Variants in ADAM15 observed in about 807,000 individuals in gnomAD.
ADAM15 encodes disintegrin and metalloproteinase domain-containing protein 15.
Under a neutral mutation model 113.8 loss-of-function variants are expected in ADAM15, and 77 were observed. The observed-to-expected ratio is 0.68, with a 90% CI of 0.56 to 0.82. The LOEUF is 0.82. Among genes scored for constraint, ADAM15 ranks in the 40% least tolerant of loss-of-function variants. The probability of loss-of-function intolerance (pLI) is 0.00; values close to 1 mark genes in which losing one functional copy is unlikely to be tolerated. For missense variants in ADAM15, 963 were observed against 1,120.1 expected, an observed-to-expected ratio of 0.86 and a Z score of 2.00; for synonymous variants, 388 against 454.1, an observed-to-expected ratio of 0.85 and a Z score of 1.85.
Position 155,062,601 on chromosome 1 carries a change from T to G in ADAM15, c.*99T>G. On this transcript the variant is annotated 3_prime_UTR_variant, in exon 23 of 23. Transcript: ENST00000356955. The surrounding 1 kb of genome is among the most constrained non-coding windows in gnomAD (Gnocchi z 7.0). ...TACCATGACTGAAGGCGCCAGAGAC[T>G]GGCGGTGTCTTAAGACTCCGGGCAC... 6.7e-7 allele frequency: 1 copy of G among 1,493,710 alleles called. No individual in the cohort carries two copies. The allele number at this position is 1,493,710 out of a possible 1,614,324, so 92.5% of individuals were successfully genotyped here. A position where few individuals can be genotyped will look rare whatever the true frequency, so the allele number is the denominator to read the frequency against.
chr1:155,060,725 G>C (rs765646918), intron 18 of ADAM15, 38 bp from the exon 19 acceptor site: 1 of 1,598,542 alleles, frequency 6.3e-7, no homozygotes, highest in Admixed American at 1.7e-5. Flanking sequence ...AGGGTCTGAG[G>C]CTGGGCCCTC....
chr1:155,052,938 G>A (rs1019491209), intron 2 of ADAM15, among the ~76,000 whole-genome samples, 161 bp downstream of exon 2: 1 of 152,146 alleles, frequency 6.6e-6, no homozygotes, highest in Non-Finnish European at 1.5e-5. Flanking sequence ...CCCAGCACCT[G>A]GCTTCACTTA....
At chr1:155,052,440 G>C in intron 1 of ADAM15, 6 of 1,481,624 alleles carry the variant, frequency 4.0e-6, no homozygotes, top group Non-Finnish European at 4.5e-6. Context: ...TGCGCAAGCC[G>C]AAAGTCTTTC....
intron 20 of ADAM15, 28 bp from the exon 21 acceptor site, chr1:155,061,876 C>G: frequency 9.3e-6 from 14 of 1,501,898 alleles, no homozygotes; most frequent in Non-Finnish European, 1.2e-5. Context: ...GTTATGCTCT[C>G]ACAGCCACTG....
chr1:155,051,591 C>A, intron 1 of ADAM15, 126 bp downstream of exon 1: 1 of 894,576 alleles, frequency 1.1e-6, no homozygotes, highest in Non-Finnish European at 1.6e-6. Context: ...GCGGCCCGCC[C>A]TGGTCCGCTG....
intron 6 of ADAM15, 83 bp downstream of exon 6, chr1:155,054,589 C>A: frequency 7.2e-7 from 1 of 1,393,346 alleles, no homozygotes; most frequent in East Asian, 2.5e-5. Context: ...TGCACAGTAA[C>A]AACAGCTCCT....
intron 1 of ADAM15, chr1:155,052,362 A>C: frequency 5.2e-6 from 4 of 764,444 alleles, no homozygotes; most frequent in Non-Finnish European, 8.3e-6. Context: ...ATTGGGAGGG[A>C]GTGGGAACCG....
At chr1:155,061,331 C>A in intron 19 of ADAM15, 84 bp from the exon 20 acceptor site, 1 of 1,031,800 alleles carries the variant, frequency 9.7e-7, no homozygotes. Flanking sequence ...CTGGCCCCCC[C>A]TGGGCACTGA....
chr1:155,061,714 C>CTG (rs1329481023), intron 20 of ADAM15, 190 bp from the exon 21 acceptor site: 1 of 790,484 alleles, frequency 1.3e-6, no homozygotes. Context: ...CGGCCAGGGA[C>CTG]TGCGGTTGAC....
In ADAM15 at chr1:155,055,985, C is replaced by T. The variant is rs2102401471; in HGVS notation, c.729C>T (p.Ala243=). The part of the protein sequence containing the change: ...QHLLNRTLEV[A]LLLDTFFRPL... Reference sequence around the variant, plus strand: ...TGCTAAACCGCACACTGGAAGTGGCCCTCTTGCTGGACACAGTGAGTGCTG... The same window carrying T: ...TGCTAAACCGCACACTGGAAGTGGCTCTCTTGCTGGACACAGTGAGTGCTG... Residue 243 remains alanine, a synonymous_variant, in exon 8 of 23, where the codon GCC becomes GCT. Coordinates refer to ENST00000356955, the MANE Select transcript of ADAM15 (RefSeq NM_207197.3). 1 of 1,614,018 alleles carries T rather than the reference C, an allele frequency of 6.2e-7. No homozygotes were observed.
intron 2 of ADAM15, 28 bp from the exon 3 acceptor site, chr1:155,053,389 G>A (rs1661350747): frequency 1.9e-6 from 3 of 1,610,254 alleles, no homozygotes; most frequent in East Asian, 2.2e-5. Flanking sequence ...CAGGTCTAGG[G>A]AGGTGACCTG....
Position 155,051,457 on chromosome 1 carries a change from C to G in ADAM15, c.71C>G (p.Pro24Arg). ...AGCCCTCTGCCTTCCTGGCCGCTCC[C>G]AAATATAGGTGAGTCCTCCGCCTGG... is the stretch of plus-strand genomic sequence containing the variant. Reference protein sequence around the residue: ...AGSPLPSWPLPNIGGTEEQQA... With the variant: ...AGSPLPSWPLRNIGGTEEQQA... The change falls in exon 1 of 23, where the codon CCA becomes CGA. Residue 24 changes from proline (P) to arginine (R), a missense_variant. Coordinates refer to ENST00000356955, the MANE Select transcript of ADAM15 (RefSeq NM_207197.3). 6.4e-7 allele frequency: 1 copy of G among 1,566,716 alleles called. No homozygotes were observed. Among genetic ancestry groups the G allele is most frequent in the African/African-American group, 1.4e-5 (1 of 71,936 alleles).
intron 1 of ADAM15, chr1:155,052,373 G>T: frequency 3.5e-6 from 3 of 868,854 alleles, no homozygotes; most frequent in Non-Finnish European, 5.2e-6. Flanking sequence ...GTGGGAACCG[G>T]GGAGGGTCCT....
In ADAM15 at chr1:155,054,347, T is replaced by C. The variant is rs1661483385; in HGVS notation, c.453T>C (p.Tyr151=). Residue 151 remains tyrosine, a synonymous_variant, in exon 6 of 23, where the codon TAT becomes TAC. Coordinates refer to ENST00000356955, the MANE Select transcript of ADAM15 (RefSeq NM_207197.3). The part of the protein sequence containing the change: ...GLVVLTPERS[Y]TLEQGPGDLQ... The stretch of plus-strand genomic sequence containing the variant: ...TGGTCCTGACCCCAGAGAGAAGCTA[T>C]ACCCTGGAGCAGGGGCCTGGGGACC... 1 of 1,608,858 alleles carries C rather than the reference T, an allele frequency of 6.2e-7. No individual in the cohort carries two copies. The highest frequency in any genetic ancestry group is 2.2e-5 in the East Asian group (1 of 44,840).
chr1:155,062,664 G>A lies in ADAM15; in HGVS notation c.*162G>A, dbSNP rs878901334. On this transcript the variant is annotated 3_prime_UTR_variant, in exon 23 of 23. Transcript: ENST00000356955. The surrounding 1 kb of genome is among the most constrained non-coding windows in gnomAD (Gnocchi z 7.0). ...TCAAGCAACACTCTGCGGACCTGCC[G>A]GCGTAGTTGCAGCGGGGGCTTGGGG... The A allele has an allele frequency of 1.9e-6, 2 of 1,039,808 alleles. No homozygotes were observed. Among genetic ancestry groups the A allele is most frequent in the South Asian group, 1.6e-5 (1 of 61,100 alleles). 64.4% of individuals were successfully genotyped at this position (1,039,808 alleles called of 1,614,324 possible). A position where few individuals can be genotyped will look rare whatever the true frequency, so the allele number is the denominator to read the frequency against.
In ADAM15 at chr1:155,057,594, C is replaced by T; in HGVS notation, c.1324-43C>T. 6.2e-7 allele frequency: 1 copy of T among 1,603,408 alleles called. No individual in the cohort carries two copies. Among genetic ancestry groups the T allele is most frequent in the Non-Finnish European group, 8.5e-7 (1 of 1,170,696 alleles). ...GAGAGATTGGAGGGAGGCTCACAGG[C>T]CCCACCTGCTCTGATGCCCGGCCCC... On this transcript the variant is annotated intron_variant, in intron 12 of 22. Coordinates refer to ENST00000356955, the MANE Select transcript of ADAM15 (RefSeq NM_207197.3). This position sits in a 1 kb window ranked among gnomAD's most constrained non-coding sequence, Gnocchi z 5.0.
In ADAM15 at chr1:155,062,199, A is replaced by G. The variant is rs1027533153; in HGVS notation, c.2425-46A>G. The G allele has an allele frequency of 4.8e-6, 7 of 1,445,744 alleles. No individual in the cohort carries two copies. Among genetic ancestry groups the G allele is most frequent in the Admixed American group, 2.9e-5 (1 of 34,968 alleles). The allele number at this position is 1,445,744 out of a possible 1,614,324, so 89.6% of individuals were successfully genotyped here. A position where few individuals can be genotyped will look rare whatever the true frequency, so the allele number is the denominator to read the frequency against. On this transcript the variant is annotated intron_variant, in intron 21 of 22. Coordinates refer to ENST00000356955, the MANE Select transcript of ADAM15 (RefSeq NM_207197.3). This position sits in a 1 kb window ranked among gnomAD's most constrained non-coding sequence, Gnocchi z 7.0. Reference sequence around the variant, plus strand: ...CACCAGTGCGTTGGGGGTGGGCAACATGACACCCCCCCACCTAAGCCGGCC... The same window carrying G: ...CACCAGTGCGTTGGGGGTGGGCAACGTGACACCCCCCCACCTAAGCCGGCC...
rs766608364 is a variant in ADAM15 at position 155,059,965 on chromosome 1, C to A, written c.2059C>A (p.Gln687Lys). ...EGWAPPDCTT[Q>K]LKATSSLTTG... The stretch of plus-strand genomic sequence containing the variant: ...CTGGGCACCCCCTGACTGCACCACT[C>A]AGCTCAAAGGTAGCATGGGGGTGGG... The change falls in exon 17 of 23, where the codon CAG (glutamine) becomes AAG (lysine). Residue 687 changes from glutamine to lysine, a missense_variant. By Grantham distance (53) the Gln-to-Lys change is moderately conservative. Transcript: ENST00000356955. 87 of 1,613,974 alleles carry A rather than the reference C, an allele frequency of 5.4e-5. No individual in the cohort carries two copies. The highest frequency in any genetic ancestry group is 7.0e-5 in the Non-Finnish European group (83 of 1,179,996).
intron 19 of ADAM15, chr1:155,061,177 C>A: frequency 3.5e-6 from 2 of 579,580 alleles, no homozygotes; most frequent in Non-Finnish European, 6.2e-6. Context: ...GCCCAGGTCA[C>A]CATGTTAGAA....
Sources: allele counts gnomAD v4.1 joint callset (sites outside exome capture counted in the v4.1 genomes callset), GRCh38; gene constraint gnomAD v4.1.1; non-coding constraint Gnocchi (gnomAD v3.1); transcripts MANE v1.5; gene names NCBI Gene and HGNC (gene_info 2026-07-23, HGNC 2026-07-21).